The following ETFA variants were observed in gnomAD, a reference collection of about 807,000 sequenced individuals.
ETFA encodes the protein electron transfer flavoprotein subunit alpha, mitochondrial.
A neutral mutation model predicts 46.2 loss-of-function variants in ETFA; 22 were observed. That is an observed-to-expected ratio of 0.48 (90% confidence interval 0.34 to 0.68). The LOEUF is 0.68. Among genes scored for constraint, ETFA ranks in the 30% least tolerant of loss-of-function variants. The probability of loss-of-function intolerance (pLI) is 0.01; values close to 1 mark genes in which losing one functional copy is unlikely to be tolerated. For synonymous variants in ETFA, 131 were observed against 139.9 expected (o/e 0.94, Z 0.45); for missense variants, 345 against 401.1 (o/e 0.86, Z 1.19).
chr15:76,259,201 C>T (rs1179996246), intron 9 of ETFA: 17 of 1,530,736 alleles, frequency 1.1e-5, no homozygotes, highest in Non-Finnish European at 1.5e-5. Flanking sequence ...CTAGGCAGCT[C>T]CAGGCTGCCT....
chr15:76,295,315 G>A (rs1275704587), intron 2 of ETFA, among the ~76,000 whole-genome samples: 1 of 152,108 alleles, frequency 6.6e-6, no homozygotes, highest in Non-Finnish European at 1.5e-5. Flanking sequence ...ACCTCTAAGG[G>A]GACTCAAATA....
At chr15:76,291,269 C>T (rs1008499147) in intron 4 of ETFA, among the ~76,000 whole-genome samples, 5 of 151,822 alleles carry the variant, frequency 3.3e-5, no homozygotes, top group South Asian at 2.1e-4. Flanking sequence ...ACGGCGAAAC[C>T]CTGTCTCTAC....
intron 11 of ETFA, among the ~76,000 whole-genome samples, chr15:76,221,212 G>A (rs2469571): frequency 0.93 from 142,003 of 152,308 alleles, 66,963 homozygotes; most frequent in East Asian, 1. Flanking sequence ...TGCTAACTGA[G>A]AGAAGCCAAT....
rs560251270 is a variant in ETFA, at chr15:76,287,105, C to T, written c.452-624G>A. On this transcript the variant is annotated intron_variant, in intron 5 of 11. Transcript: ENST00000557943. ...AAAACGAAGAGTTCACTGCCTTCTC[C>T]GACCCCACTAGAGACCAGTGTGCTA... Among the ~76,000 whole-genome samples, 20 of 152,266 alleles carry T rather than the reference C, an allele frequency of 1.3e-4. 1 individual carries two copies. The Middle Eastern group carries it at 0.014, about 104-fold the overall frequency.
At chr15:76,240,036 G>A (rs543063703) in intron 9 of ETFA, among the ~76,000 whole-genome samples, 2 of 152,284 alleles carry the variant, frequency 1.3e-5, no homozygotes, top group South Asian at 2.1e-4. Context: ...GCAAGGCTCC[G>A]AAATTATTTT....
intron 9 of ETFA, among the ~76,000 whole-genome samples, chr15:76,236,474 A>G (rs2039123637): frequency 6.6e-6 from 1 of 152,222 alleles, no homozygotes; most frequent in Non-Finnish European, 1.5e-5. Flanking sequence ...CAAACTAAAG[A>G]GCCTTCTTGT....
At chr15:76,223,412 A>G (rs2038976360) in intron 11 of ETFA, among the ~76,000 whole-genome samples, 1 of 150,770 alleles carries the variant, frequency 6.6e-6, no homozygotes, top group South Asian at 2.1e-4. Flanking sequence ...TAGTAGAGAC[A>G]GGGTTTCACC....
chr15:76,307,690 C>T (rs560146530), intron 1 of ETFA, among the ~76,000 whole-genome samples: 1 of 151,710 alleles, frequency 6.6e-6, no homozygotes, highest in African/African-American at 2.4e-5. Flanking sequence ...CGCCATGTTG[C>T]GCAGGCTGGT....
At chr15:76,259,303 G>A (rs910463493) in intron 9 of ETFA, 34 of 1,586,088 alleles carry the variant, frequency 2.1e-5, no homozygotes, top group Middle Eastern at 3.6e-4. Flanking sequence ...ATGTTCTCCA[G>A]TTCCATTCGC....
intron 9 of ETFA, among the ~76,000 whole-genome samples, chr15:76,246,089 G>A (rs558166060): frequency 2.0e-5 from 3 of 152,220 alleles, no homozygotes; most frequent in African/African-American, 7.2e-5. Context: ...TGTAAAAATG[G>A]CTAATACACA....
At chr15:76,237,156 G>A (rs980929693) in intron 9 of ETFA, among the ~76,000 whole-genome samples, 2 of 152,124 alleles carry the variant, frequency 1.3e-5, no homozygotes, top group African/African-American at 2.4e-5. Context: ...GGGTTCAAGC[G>A]ATTTTCGTGC....
At chr15:76,288,074 C>G (rs2039719156) in intron 4 of ETFA, 129 bp from the exon 5 acceptor site, 1 of 692,302 alleles carries the variant, frequency 1.4e-6, no homozygotes, top group Non-Finnish European at 2.6e-6. Flanking sequence ...ATTTCGTGTG[C>G]ACCTTTGGAT....
At chr15:76,223,297 A>G (rs2038975246) in intron 11 of ETFA, among the ~76,000 whole-genome samples, 1 of 139,422 alleles carries the variant, frequency 7.2e-6, no homozygotes, top group Non-Finnish European at 1.5e-5. Context: ...GGCTCACTGT[A>G]ACCTCTGCCT....
chr15:76,248,571 A>T (rs2039265591), intron 9 of ETFA, among the ~76,000 whole-genome samples: 1 of 152,226 alleles, frequency 6.6e-6, no homozygotes, highest in Non-Finnish European at 1.5e-5. Flanking sequence ...ATCAAAAGGT[A>T]TTATTTTTTA....
chr15:76,220,029 C>T (rs748893007), intron 11 of ETFA, among the ~76,000 whole-genome samples: 42 of 152,258 alleles, frequency 2.8e-4, no homozygotes, highest in Admixed American at 7.8e-4. Flanking sequence ...TACTTGTAGG[C>T]CAATGTTCAC....
chr15:76,275,863 A>G (rs2039585575), intron 8 of ETFA, among the ~76,000 whole-genome samples: 1 of 152,214 alleles, frequency 6.6e-6, no homozygotes, highest in Non-Finnish European at 1.5e-5. Context: ...ACCACTTAAT[A>G]GCAAGATAAT....
intron 11 of ETFA, among the ~76,000 whole-genome samples, chr15:76,219,381 A>G (rs2038932408): frequency 6.6e-6 from 1 of 152,234 alleles, no homozygotes; most frequent in East Asian, 1.9e-4. Context: ...TCTTATAAGA[A>G]AACAGGGGTG....
At chr15:76,242,908 G>A (rs566115408) in intron 9 of ETFA, among the ~76,000 whole-genome samples, 1 of 152,348 alleles carries the variant, frequency 6.6e-6, no homozygotes, top group East Asian at 1.9e-4. Context: ...AATGGGTACA[G>A]GATTTCTATT....
At position 76,303,401 on chromosome 15, in the gene ETFA, C is replaced by A. The variant is rs932603307; in HGVS notation, c.40-7664G>T. 3.3e-5 allele frequency among the ~76,000 whole-genome samples: 5 copies of A among 152,156 alleles called. No individual in the cohort carries two copies. The South Asian group carries it at 1.0e-3, about 32-fold the overall frequency. ...TAGGAAATGGCATTTTGAACATAGACCCTGGCAAAGATTTCATGACGAACA... is the reference window on the plus strand; with the variant it reads ...TAGGAAATGGCATTTTGAACATAGAACCTGGCAAAGATTTCATGACGAACA... On this transcript the variant is annotated intron_variant, in intron 1 of 11. Transcript: ENST00000557943.
Sources: gnomAD v4.1 joint callset for allele counts (sites outside exome capture counted in the v4.1 genomes callset) on GRCh38, gnomAD v4.1.1 for gene constraint, MANE v1.5 for transcripts, NCBI Gene and HGNC (gene_info 2026-07-23, HGNC 2026-07-21) for gene names.